Variants in WDR49 observed in about 807,000 individuals in gnomAD.
WDR49 encodes WD repeat domain 49.
A neutral mutation model predicts 119.5 loss-of-function variants in WDR49; 107 were observed. The observed-to-expected ratio is 0.90, with a 90% CI of 0.77 to 1.05. The LOEUF (loss-of-function observed/expected upper bound fraction) is 1.05. Among genes scored for constraint, WDR49 ranks in the 50% least tolerant of loss-of-function variants. WDR49 has a pLI of 0.00. For missense variants in WDR49, 1,240 were observed against 1,220.5 expected (o/e 1.02, Z -0.24); for synonymous variants, 425 against 418.8 (o/e 1.01, Z -0.18).
At position 167,532,932 on chromosome 3, in the gene WDR49, T is replaced by A. The variant is rs766001650; in HGVS notation, c.2000A>T (p.Asn667Ile). The A allele has an allele frequency of 1.9e-6, 3 of 1,610,040 alleles. No individual in the cohort carries two copies. In the East Asian group the frequency reaches 6.7e-5, roughly 36 times the overall value. ...EIVLWNNSTE[N>I]AHHVLHPDYQ... ...ATCAGGGTGAAGAACATGGTGAGCA[T>A]TCTCTGTGCTATTGTTCCATAGAAC... The change falls in exon 12 of 19, where the codon AAT becomes ATT. Residue 667 changes from asparagine (N) to isoleucine (I), a missense_variant. Physicochemically the swap from Asn to Ile is moderately radical, Grantham distance 149. Transcript: ENST00000682715.
chr3:167,548,953 C>T (rs1712376170), intron 10 of WDR49, among the ~76,000 whole-genome samples: 2 of 151,896 alleles, frequency 1.3e-5, no homozygotes, highest in African/African-American at 2.4e-5. Context: ...TTTGGTTTTC[C>T]GTCCTTGCAA....
chr3:167,584,505 A>T (rs1277482069), intron 7 of WDR49, among the ~76,000 whole-genome samples: 8 of 152,182 alleles, frequency 5.3e-5, no homozygotes, highest in Non-Finnish European at 1.0e-4. Flanking sequence ...AAAGAAAAAC[A>T]ATAAGTAGGA....
intron 12 of WDR49, 99 bp from the exon 13 acceptor site, chr3:167,531,378 A>T: frequency 7.6e-7 from 1 of 1,315,344 alleles, no homozygotes. Context: ...CACTATATCC[A>T]TTGACTCCAA....
chr3:167,591,681 C>T (rs1715121574), intron 7 of WDR49, among the ~76,000 whole-genome samples: 1 of 151,978 alleles, frequency 6.6e-6, no homozygotes, highest in Non-Finnish European at 1.5e-5. Flanking sequence ...ATAGGTTTGG[C>T]CTGAAATCTA....
chr3:167,494,423 T>C (rs956302083), intron 18 of WDR49, among the ~76,000 whole-genome samples: 2 of 151,942 alleles, frequency 1.3e-5, no homozygotes, highest in African/African-American at 4.8e-5. Context: ...TCTTTCTGGA[T>C]AGGATTTAAT....
intron 10 of WDR49, among the ~76,000 whole-genome samples, chr3:167,552,634 G>A (rs143600082): frequency 1.4e-4 from 21 of 152,064 alleles, no homozygotes; most frequent in Non-Finnish European, 2.6e-4. Flanking sequence ...AGTCAGACAC[G>A]TACAGCAAGC....
intron 8 of WDR49, among the ~76,000 whole-genome samples, chr3:167,572,094 A>C (rs1384496749): frequency 1.3e-5 from 2 of 152,210 alleles, no homozygotes; most frequent in Non-Finnish European, 2.9e-5. Context: ...TCATTTAAGA[A>C]CTAAGTGCAA....
At chr3:167,601,351 A>G (rs977468137) in intron 7 of WDR49, among the ~76,000 whole-genome samples, 1 of 152,188 alleles carries the variant, frequency 6.6e-6, no homozygotes, top group African/African-American at 2.4e-5. Context: ...ATTTGCATAT[A>G]TTTTAGCATA....
At chr3:167,569,676 A>G (rs980448844) in intron 8 of WDR49, among the ~76,000 whole-genome samples, 5 of 144,758 alleles carry the variant, frequency 3.5e-5, no homozygotes, top group Admixed American at 3.4e-4. Context: ...CAGCCTGGAC[A>G]CAGCAAAAAA....
At chr3:167,534,500 T>A (rs1752956542) in intron 11 of WDR49, among the ~76,000 whole-genome samples, 1 of 152,148 alleles carries the variant, frequency 6.6e-6, no homozygotes, top group South Asian at 2.1e-4. Flanking sequence ...AAAGCTAATT[T>A]ACCTACAGAG....
At chr3:167,615,946 G>T (rs1373254279) in intron 5 of WDR49, among the ~76,000 whole-genome samples, 1 of 152,208 alleles carries the variant, frequency 6.6e-6, no homozygotes, top group Non-Finnish European at 1.5e-5. Flanking sequence ...AAGTGTTACT[G>T]ACTGCTGCTT....
intron 7 of WDR49, among the ~76,000 whole-genome samples, chr3:167,596,183 C>A (rs1715426469): frequency 6.6e-6 from 1 of 151,894 alleles, no homozygotes; most frequent in Non-Finnish European, 1.5e-5. Context: ...CCATCTCACA[C>A]CAGTTAGAAT....
At chr3:167,567,157 T>C (rs903717439) in intron 8 of WDR49, among the ~76,000 whole-genome samples, 2 of 152,142 alleles carry the variant, frequency 1.3e-5, no homozygotes, top group African/African-American at 4.8e-5. Context: ...ATAAAATAAG[T>C]CAAAAGCAGT....
At chr3:167,647,497 T>A (rs1217817997) in intron 2 of WDR49, among the ~76,000 whole-genome samples, 1 of 152,234 alleles carries the variant, frequency 6.6e-6, no homozygotes, top group African/African-American at 2.4e-5. Context: ...TGACGCCATT[T>A]GCTAGCATTA....
At chr3:167,608,604 G>A (rs1716177417) in intron 5 of WDR49, among the ~76,000 whole-genome samples, 1 of 151,970 alleles carries the variant, frequency 6.6e-6, no homozygotes, top group Admixed American at 6.6e-5. Flanking sequence ...AGAGTGCCTG[G>A]GTAAAAGGTG....
At chr3:167,655,982 A>G (rs1386521673), upstream of WDR49, among the ~76,000 whole-genome samples, 2 of 152,138 alleles carry the variant, frequency 1.3e-5, no homozygotes. Flanking sequence ...GGTGCCTGCC[A>G]TAAGGGCTTT....
At position 167,506,512 on chromosome 3, in the gene WDR49, C is replaced by T. The variant is rs932508405; in HGVS notation, c.2775-1096G>A. Among the ~76,000 whole-genome samples the T allele has an allele frequency of 3.3e-5, 5 of 152,100 alleles. No individual in the cohort carries two copies. The South Asian group carries it at 1.0e-3, about 32-fold the overall frequency. On this transcript the variant is annotated intron_variant, in intron 16 of 18. Coordinates refer to ENST00000682715, the MANE Select transcript of WDR49 (RefSeq NM_001366157.1). ...TCTCTCTTAAACTTAATATCAAATGCTATTTGCATGGCTTTAAGTAGTAAT... is the reference window on the plus strand; with the variant it reads ...TCTCTCTTAAACTTAATATCAAATGTTATTTGCATGGCTTTAAGTAGTAAT...
At position 167,480,195 on chromosome 3, in the gene WDR49, G is replaced by A. The variant is rs139734774; in HGVS notation, c.3032-1199C>T. ...ACCCAGGAGGCAGAGTTTGCAGTGA[G>A]CCGAGATCAAGCCATCGCACTCCAG... On this transcript the variant is annotated intron_variant, in intron 18 of 18. Coordinates refer to ENST00000682715, the MANE Select transcript of WDR49 (RefSeq NM_001366157.1). Among the ~76,000 whole-genome samples, 244 of 140,574 alleles carry A rather than the reference G, an allele frequency of 1.7e-3. 2 individuals carry two copies. Among genetic ancestry groups the A allele is most frequent in the Middle Eastern group, 7.8e-3 (2 of 256 alleles). The allele number at this position is 140,574 out of a possible 152,430, so 92.2% of individuals were successfully genotyped here.
At chr3:167,516,601 T>C (rs948310397) in intron 16 of WDR49, among the ~76,000 whole-genome samples, 1 of 152,160 alleles carries the variant, frequency 6.6e-6, no homozygotes, top group Non-Finnish European at 1.5e-5. Flanking sequence ...ATATGATCCT[T>C]TGGGTATATA....
Sources: allele counts gnomAD v4.1 joint callset (sites outside exome capture counted in the v4.1 genomes callset), GRCh38; gene constraint gnomAD v4.1.1; transcripts MANE v1.5; gene names NCBI Gene and HGNC (gene_info 2026-07-23, HGNC 2026-07-21).